The following LY96 variants were observed in gnomAD, a reference collection of about 807,000 sequenced individuals.
LY96 encodes the protein lymphocyte antigen 96, also known as myeloid differentiation protein-2.
In LY96, 18 loss-of-function variants were observed where a neutral mutation model predicts 18.9. The observed-to-expected ratio is 0.95, with a 90% CI of 0.66 to 1.41. The LOEUF (loss-of-function observed/expected upper bound fraction) is 1.41. Among genes scored for constraint, LY96 ranks in the 40% most tolerant of loss-of-function variants. The pLI is 0.00. For synonymous variants in LY96, 66 were observed against 62.6 expected, an observed-to-expected ratio of 1.06 and a Z score of -0.26; for missense variants, 175 against 182.4, an observed-to-expected ratio of 0.96 and a Z score of 0.23.
chr8:74,077,178 G>A, the LY96 span, among the ~76,000 whole-genome samples: 1 of 152,118 alleles, frequency 6.6e-6, no homozygotes, highest in Non-Finnish European at 1.5e-5. Flanking sequence ...CCAGCATCTT[G>A]ATGTATTCAC....
chr8:74,070,118 G>T, the LY96 span, among the ~76,000 whole-genome samples: 9 of 150,182 alleles, frequency 6.0e-5, no homozygotes, highest in Non-Finnish European at 7.4e-5. Context: ...TTGAGACGCG[G>T]TGTCACTCTG....
the LY96 span, among the ~76,000 whole-genome samples, chr8:74,088,083 A>AAGAAAAGAATAGAAT: frequency 1.7e-4 from 20 of 120,430 alleles, no homozygotes; most frequent in Non-Finnish European, 3.3e-4. Flanking sequence ...TCACTGAGAG[A>AAGAAAAGAATAGAAT]AGAATAGAAT....
At chr8:74,029,117 T>C (rs188722522), downstream of LY96, 9 of 950,964 alleles carry the variant, frequency 9.5e-6, no homozygotes, top group Non-Finnish European at 6.6e-6. Context: ...GTACCCAGGA[T>C]TTGTTTTAAT....
the LY96 span, among the ~76,000 whole-genome samples, chr8:74,095,830 G>A: frequency 0.18 from 27,463 of 152,026 alleles, 2,703 homozygotes; most frequent in African/African-American, 0.25. Context: ...TGTCTGTGCC[G>A]CAAACTCCCA....
the LY96 span, among the ~76,000 whole-genome samples, chr8:74,081,142 C>CTTCTTTCT: frequency 1.6e-5 from 2 of 123,740 alleles, no homozygotes; most frequent in Non-Finnish European, 3.4e-5. Flanking sequence ...TCCTTCCTTC[C>CTTCTTTCT]TTCTTTCTTT....
the LY96 span, among the ~76,000 whole-genome samples, chr8:74,067,426 C>T: frequency 6.6e-5 from 10 of 152,186 alleles, no homozygotes; most frequent in Admixed American, 2.0e-4. Context: ...GGTCTCGCTA[C>T]GTTGCCCACA....
chr8:74,030,789 A>T (rs4738415), downstream of LY96, among the ~76,000 whole-genome samples: 45,526 of 150,510 alleles, frequency 0.3, 9,316 homozygotes, highest in African/African-American at 0.59. Flanking sequence ...CTCTGTCCTT[A>T]CATTTCAAGG....
At chr8:74,094,968 TAGAA>T in the LY96 span, among the ~76,000 whole-genome samples, 5 of 152,200 alleles carry the variant, frequency 3.3e-5, no homozygotes, top group African/African-American at 9.6e-5. Flanking sequence ...ACAGAGTTGA[TAGAA>T]AGAGCAGGTT....
chr8:74,090,172 C>A, the LY96 span, among the ~76,000 whole-genome samples: 3 of 151,816 alleles, frequency 2.0e-5, no homozygotes, highest in African/African-American at 7.3e-5. Context: ...GTAAGGAGAC[C>A]CCTGCAATCA....
the LY96 span, among the ~76,000 whole-genome samples, chr8:74,083,877 G>A: frequency 4.6e-5 from 7 of 151,620 alleles, no homozygotes; most frequent in Non-Finnish European, 8.8e-5. Context: ...TTTAGAGATG[G>A]GGTCTCACTA....
At chr8:74,098,272 A>G in the LY96 span, among the ~76,000 whole-genome samples, 12 of 152,216 alleles carry the variant, frequency 7.9e-5, no homozygotes, top group Non-Finnish European at 1.6e-4. Context: ...TGTATAAAAA[A>G]GTAAGGCCTT....
intron 1 of LY96, among the ~76,000 whole-genome samples, chr8:73,993,646 T>G (rs1816058460): frequency 6.6e-6 from 1 of 152,180 alleles, no homozygotes; most frequent in South Asian, 2.1e-4. Context: ...TTTTGCCATG[T>G]TGACCAGGCT....
chr8:74,043,239 G>A, the LY96 span, among the ~76,000 whole-genome samples: 2 of 151,972 alleles, frequency 1.3e-5, no homozygotes, highest in Non-Finnish European at 2.9e-5. Flanking sequence ...TACAGGAACA[G>A]GGGTAGGGAG....
the LY96 span, among the ~76,000 whole-genome samples, chr8:74,059,053 G>T: frequency 6.6e-6 from 1 of 152,154 alleles, no homozygotes; most frequent in Admixed American, 6.5e-5. Flanking sequence ...CGGATTGAAT[G>T]ATGTCCACCC....
the LY96 span, among the ~76,000 whole-genome samples, chr8:74,097,997 G>A: frequency 1.3e-5 from 2 of 152,180 alleles, no homozygotes; most frequent in African/African-American, 2.4e-5. Context: ...TTTTAGAGCA[G>A]GTATGGTTTT....
At chr8:74,002,064 TTCC>T (rs1816298001) in intron 1 of LY96, among the ~76,000 whole-genome samples, 1 of 37,904 alleles carries the variant, frequency 2.6e-5, no homozygotes, top group African/African-American at 1.8e-4. Context: ...CCTTCCTTCC[TTCC>T]TTCCTTCCTT....
At chr8:74,099,250 C>T in the LY96 span, among the ~76,000 whole-genome samples, 9 of 152,286 alleles carry the variant, frequency 5.9e-5, no homozygotes, top group African/African-American at 9.6e-5. Flanking sequence ...ACCTTGAAAA[C>T]GGTCCTCAGC....
downstream of LY96, among the ~76,000 whole-genome samples, chr8:74,031,653 A>AT (rs1000609172): frequency 8.0e-5 from 12 of 150,824 alleles, no homozygotes; most frequent in South Asian, 4.2e-4. Context: ...AAAAAAAGTA[A>AT]TTTTTTTTTA....
chr8:73,997,186 A>G (rs1653681231), intron 1 of LY96, among the ~76,000 whole-genome samples: 1 of 152,184 alleles, frequency 6.6e-6, no homozygotes, highest in Non-Finnish European at 1.5e-5. Flanking sequence ...AGTCTTCTCC[A>G]TCTCATCATC....
Sources: gnomAD v4.1 joint callset for allele counts (sites outside exome capture counted in the v4.1 genomes callset) on GRCh38, gnomAD v4.1.1 for gene constraint, MANE v1.5 for transcripts, NCBI Gene and HGNC (gene_info 2026-07-23, HGNC 2026-07-21) for gene names.